The following EFNA5 variants were observed in gnomAD, a reference collection of about 807,000 sequenced individuals.
EFNA5 encodes ephrin A5.
In EFNA5, 5 loss-of-function variants were observed where a neutral mutation model predicts 22.9. The ratio of observed to expected loss-of-function variants is 0.22; its 90% confidence interval spans 0.11 to 0.46. EFNA5 has a LOEUF of 0.46. Among genes scored for constraint, EFNA5 ranks in the 20% least tolerant of loss-of-function variants. The pLI is 0.99. For missense variants in EFNA5, 237 were observed against 293.3 expected, an observed-to-expected ratio of 0.81 and a Z score of 1.40; for synonymous variants, 113 against 112.2, an observed-to-expected ratio of 1.01 and a Z score of -0.04.
chr5:107,539,554 G>A (rs771525647), intron 1 of EFNA5, among the ~76,000 whole-genome samples: 1 of 152,188 alleles, frequency 6.6e-6, no homozygotes, highest in Non-Finnish European at 1.5e-5. Context: ...TGCCTCCCGG[G>A]TTCTAGCAAC....
intron 2 of EFNA5, among the ~76,000 whole-genome samples, chr5:107,414,527 A>T (rs1748455193): frequency 6.6e-6 from 1 of 152,138 alleles, no homozygotes; most frequent in South Asian, 2.1e-4. Flanking sequence ...AGCACTGATG[A>T]ACTGCTTGAC....
At chr5:107,430,774 CTTTTTTTTT>C (rs869266799) in intron 1 of EFNA5, among the ~76,000 whole-genome samples, 2 of 20,292 alleles carry the variant, frequency 9.9e-5, no homozygotes, top group African/African-American at 1.7e-4. Flanking sequence ...TTCTTTCTTT[CTTTTTTTTT>C]TTTTTTTTTT....
intron 1 of EFNA5, among the ~76,000 whole-genome samples, chr5:107,453,318 AATAAT>A (rs1749608217): frequency 6.6e-6 from 1 of 152,184 alleles, no homozygotes; most frequent in African/African-American, 2.4e-5. Context: ...TGACCACCAG[AATAAT>A]ATAATAAATA....
At chr5:107,636,894 T>C (rs1279471275) in intron 1 of EFNA5, among the ~76,000 whole-genome samples, 2 of 152,230 alleles carry the variant, frequency 1.3e-5, no homozygotes, top group Non-Finnish European at 2.9e-5. Flanking sequence ...GCATGAAAAG[T>C]ATTTAGTGTT....
intron 1 of EFNA5, among the ~76,000 whole-genome samples, chr5:107,585,037 T>C (rs1176286202): frequency 6.6e-6 from 1 of 152,170 alleles, no homozygotes. Context: ...GCTGATATTA[T>C]GGGACTAGTG....
intron 4 of EFNA5, among the ~76,000 whole-genome samples, chr5:107,386,801 T>G (rs2112487150): frequency 6.6e-6 from 1 of 152,358 alleles, no homozygotes; most frequent in South Asian, 2.1e-4. Flanking sequence ...TAGTTTCTAT[T>G]TTGTGCAATA....
chr5:107,457,958 A>G (rs1749737837), intron 1 of EFNA5, among the ~76,000 whole-genome samples: 1 of 152,182 alleles, frequency 6.6e-6, no homozygotes, highest in African/African-American at 2.4e-5. Context: ...AGTAACAGAC[A>G]AAGAGAGATT....
intron 1 of EFNA5, among the ~76,000 whole-genome samples, chr5:107,576,263 C>T (rs1262446633): frequency 6.6e-6 from 1 of 152,136 alleles, no homozygotes; most frequent in African/African-American, 2.4e-5. Flanking sequence ...GGAACTATCC[C>T]CAATCCAGTA....
At chr5:107,452,676 G>A (rs1050137221) in intron 1 of EFNA5, among the ~76,000 whole-genome samples, 3 of 152,130 alleles carry the variant, frequency 2.0e-5, no homozygotes, top group Admixed American at 6.5e-5. Flanking sequence ...GCAGTGAATC[G>A]TGATTGAGCC....
intron 1 of EFNA5, among the ~76,000 whole-genome samples, chr5:107,507,356 C>T (rs1561416673): frequency 6.6e-6 from 1 of 152,118 alleles, no homozygotes; most frequent in Non-Finnish European, 1.5e-5. Flanking sequence ...AATATGACTA[C>T]ACTAGAAAAA....
chr5:107,521,454 G>A (rs1747593476), intron 1 of EFNA5, among the ~76,000 whole-genome samples: 1 of 122,066 alleles, frequency 8.2e-6, no homozygotes, highest in South Asian at 2.6e-4. Context: ...CACCACACCT[G>A]GCTATATATA....
intron 1 of EFNA5, among the ~76,000 whole-genome samples, chr5:107,495,803 T>A (rs562630043): frequency 1.1e-4 from 16 of 152,284 alleles, no homozygotes; most frequent in African/African-American, 3.9e-4. Context: ...GCCTATTATA[T>A]ACAATGGTTA....
intron 1 of EFNA5, among the ~76,000 whole-genome samples, chr5:107,473,262 AT>A (rs35926074): frequency 0.53 from 71,476 of 134,906 alleles, 18,850 homozygotes; most frequent in African/African-American, 0.65. Flanking sequence ...TCCAGGTCTG[AT>A]TTTTTTTTTT....
At chr5:107,588,971 G>C (rs535975736) in intron 1 of EFNA5, among the ~76,000 whole-genome samples, 4 of 152,102 alleles carry the variant, frequency 2.6e-5, no homozygotes, top group African/African-American at 9.7e-5. Flanking sequence ...GGTACCAAGG[G>C]TCCTCAACTT....
intron 1 of EFNA5, among the ~76,000 whole-genome samples, chr5:107,594,778 C>T (rs145595838): frequency 2.0e-5 from 3 of 152,284 alleles, no homozygotes; most frequent in East Asian, 1.9e-4. Context: ...TGTTTTACCC[C>T]GTATGCACTG....
intron 1 of EFNA5, among the ~76,000 whole-genome samples, chr5:107,580,738 AAAG>A (rs1367144161): frequency 1.5e-5 from 2 of 135,884 alleles, no homozygotes; most frequent in Non-Finnish European, 1.5e-5. Flanking sequence ...AAAAAAAAAA[AAAG>A]AAAAGAAAAG....
intron 2 of EFNA5, among the ~76,000 whole-genome samples, chr5:107,402,140 T>C (rs1041297734): frequency 6.6e-6 from 1 of 151,988 alleles, no homozygotes; most frequent in Non-Finnish European, 1.5e-5. Flanking sequence ...CAATTAGGGG[T>C]GTATGTGTGT....
chr5:107,565,345 T>C (rs1186968538), intron 1 of EFNA5, among the ~76,000 whole-genome samples: 2 of 152,260 alleles, frequency 1.3e-5, no homozygotes, highest in African/African-American at 4.8e-5. Context: ...TTTTGTTTTA[T>C]ATTAATATTA....
At chr5:107,525,241 T>A (rs1016037796) in intron 1 of EFNA5, among the ~76,000 whole-genome samples, 1 of 151,938 alleles carries the variant, frequency 6.6e-6, no homozygotes, top group Non-Finnish European at 1.5e-5. Flanking sequence ...GAAATTACAG[T>A]TCTTGGCACA....
Sources: gnomAD v4.1 joint callset for allele counts (sites outside exome capture counted in the v4.1 genomes callset) on GRCh38, gnomAD v4.1.1 for gene constraint, MANE v1.5 for transcripts, NCBI Gene and HGNC (gene_info 2026-07-23, HGNC 2026-07-21) for gene names.